OR8D4: variants seen among roughly 807,000 people sequenced by gnomAD.
OR8D4 encodes olfactory receptor 8D4.
For synonymous variants in OR8D4, 141 were observed against 134.8 expected, an observed-to-expected ratio of 1.05 and a Z score of -0.32; for missense variants, 359 against 372.6, an observed-to-expected ratio of 0.96 and a Z score of 0.30.
chr11:123,904,254 A>G (rs182368464), intron 1 of OR8D4, among the ~76,000 whole-genome samples: 242 of 152,322 alleles, frequency 1.6e-3, no homozygotes, highest in African/African-American at 5.1e-3. Context: ...AGGCTTGAGA[A>G]GAGGGAAGAA....
Position 123,906,882 on chromosome 11 carries a change from G to C in OR8D4, c.451G>C (p.Val151Leu). The C allele has an allele frequency of 6.2e-7, 1 of 1,614,020 alleles. No individual in the cohort carries two copies. Among genetic ancestry groups the C allele is most frequent in the South Asian group, 1.1e-5 (1 of 91,074 alleles). The change falls in exon 2 of 2, where the codon GTA becomes CTA. Residue 151 changes from valine (V) to leucine (L), a missense_variant. Physicochemically the swap from Val to Leu is conservative, Grantham distance 32 (BLOSUM62 1). Coordinates refer to ENST00000641687, the MANE Select transcript of OR8D4 (RefSeq NM_001005197.2). ...TCTGCTGGTGGCTGCTGTCTTCTCA[G>C]TAGGTTTCACTGATGCTGTGATCCA... ...CSLLVAAVFS[V>L]GFTDAVIHGG...
At chr11:123,902,294 T>C (rs1863166962) in intron 1 of OR8D4, 37 bp downstream of exon 1, 1 of 152,154 alleles carries the variant, frequency 6.6e-6, no homozygotes, top group Non-Finnish European at 1.5e-5. Flanking sequence ...ATTATAAGTA[T>C]ATTAAAATGT....
intron 1 of OR8D4, among the ~76,000 whole-genome samples, chr11:123,905,520 A>G (rs937475358): frequency 6.6e-6 from 1 of 152,110 alleles, no homozygotes; most frequent in African/African-American, 2.4e-5. Flanking sequence ...ACCTTTTAAC[A>G]TCTCCCTGGA....
chr11:123,902,905 T>A (rs1563126), intron 1 of OR8D4, among the ~76,000 whole-genome samples: 2 of 151,946 alleles, frequency 1.3e-5, no homozygotes, highest in African/African-American at 4.8e-5. Context: ...AATAAAATAA[T>A]GTAAAATATC....
rs1329899679 is a variant in OR8D4, at chr11:123,906,651, T to C, written c.220T>C (p.Ser74Pro). The C allele has an allele frequency of 3.1e-6, 5 of 1,613,306 alleles. No individual in the cohort carries two copies. The highest frequency in any genetic ancestry group is 4.2e-6 in the Non-Finnish European group (5 of 1,179,348). ...TTTGTCTTTTTTAGATTTCTGCTATTCTTCTGTCATTACCCCTAAAATGCT... is the reference window on the plus strand; with the variant it reads ...TTTGTCTTTTTTAGATTTCTGCTATCCTTCTGTCATTACCCCTAAAATGCT... ...SSLSFLDFCY[S>P]SVITPKMLSG... Residue 74 changes from serine (S) to proline (P), a missense_variant, in exon 2 of 2, where the codon TCT (serine) becomes CCT (proline). Coordinates refer to ENST00000641687, the MANE Select transcript of OR8D4 (RefSeq NM_001005197.2).
chr11:123,906,558 C>T lies in OR8D4; in HGVS notation c.127C>T (p.Leu43Phe), dbSNP rs1863200568. The T allele has an allele frequency of 1.9e-6, 3 of 1,613,680 alleles. No homozygotes were observed. The highest frequency in any genetic ancestry group is 2.5e-6 in the Non-Finnish European group (3 of 1,179,768). ...GIYTVTVVGNLSMISIIRLNR... is the reference protein window; with the variant it reads ...GIYTVTVVGNFSMISIIRLNR... The stretch of plus-strand genomic sequence containing the variant: ...TTACACAGTTACTGTGGTGGGAAAC[C>T]TCAGCATGATCTCAATTATTAGGCT... Residue 43 changes from leucine to phenylalanine, a missense_variant, in exon 2 of 2, where the codon CTC becomes TTC. Leu to Phe is a conservative substitution (Grantham distance 22). Transcript: ENST00000641687.
At position 123,906,709 on chromosome 11, in the gene OR8D4, C is replaced by G. The variant is rs1863203344; in HGVS notation, c.278C>G (p.Ser93Cys). The G allele has an allele frequency of 6.2e-7, 1 of 1,613,866 alleles. No homozygotes were observed. Among genetic ancestry groups the G allele is most frequent in the African/African-American group, 1.3e-5 (1 of 74,902 alleles). Reference protein sequence around the residue: ...SGFLCRDRSISYSGCMIQLFF... With the variant: ...SGFLCRDRSICYSGCMIQLFF... ...TTTTTATGCAGAGATAGATCCATCTCCTATTCTGGATGCATGATTCAGCTG... is the reference window on the plus strand; with the variant it reads ...TTTTTATGCAGAGATAGATCCATCTGCTATTCTGGATGCATGATTCAGCTG... Residue 93 changes from serine (S) to cysteine (C), a missense_variant, in exon 2 of 2, where the codon TCC becomes TGC. Ser to Cys is a moderately radical substitution (Grantham distance 112, BLOSUM62 -1). Coordinates refer to ENST00000641687, the MANE Select transcript of OR8D4 (RefSeq NM_001005197.2).
Position 123,908,849 on chromosome 11 carries a change from C to G in OR8D4, c.*1473C>G, listed in dbSNP as rs1216396310. On this transcript the variant is annotated 3_prime_UTR_variant, in exon 2 of 2. Transcript: ENST00000641687. ...GGCCATATTCAAGAAACGGAGAAGG[C>G]AGTATGGCAGACGGTCAGTGAGAGA... 1 of 152,050 alleles carries G rather than the reference C, an allele frequency of 6.6e-6. No homozygotes were observed. The highest frequency in any genetic ancestry group is 2.4e-5 in the African/African-American group (1 of 41,394). The allele number at this position is 152,050 out of a possible 1,614,324, so 9.4% of individuals were successfully genotyped here.
rs527532775 is a variant in OR8D4, at chr11:123,906,367, A to G, written c.-15-50A>G. 1.4e-5 allele frequency: 16 copies of G among 1,144,654 alleles called. No individual in the cohort carries two copies. In the South Asian group the frequency reaches 2.2e-4, roughly 15 times the overall value. The allele number at this position is 1,144,654 out of a possible 1,614,324, so 70.9% of individuals were successfully genotyped here. On this transcript the variant is annotated intron_variant, in intron 1 of 1. Transcript: ENST00000641687. The stretch of plus-strand genomic sequence containing the variant: ...GAGAAAACACTGATATTTGTTTTCT[A>G]TAGAAACAAACACTGATAGAATTTG...
chr11:123,906,743 CTG>C lies in OR8D4; in HGVS notation c.316_317del (p.Val106LeufsTer5), dbSNP rs756724767. ...GATGCATGATTCAGCTGTTTTTTTT[CTG>C]TGTTTGTGTTATTTCTGAATGCTAC... ...SGCMIQLFFFCVCVISECYML... is the reference protein window; with the variant it reads ...SGCMIQLFFFXVCVISECYML... On this transcript the variant is annotated frameshift_variant, in exon 2 of 2. Transcript: ENST00000641687. LOFTEE classifies it low-confidence loss of function (END_TRUNC). 3 of 1,613,436 alleles carry C rather than the reference CTG, an allele frequency of 1.9e-6. No homozygotes were observed. In the South Asian group the frequency reaches 3.3e-5, roughly 18 times the overall value.
At position 123,906,981 on chromosome 11, in the gene OR8D4, C is replaced by T; in HGVS notation, c.550C>T (p.Leu184Phe). Reference protein sequence around the residue: ...IKHYFCDIVPLIKLSCSSTYI... With the variant: ...IKHYFCDIVPFIKLSCSSTYI... Reference sequence around the variant, plus strand: ...ACATTATTTCTGTGACATTGTCCCTCTTATTAAACTCTCCTGCTCCAGCAC... The same window carrying T: ...ACATTATTTCTGTGACATTGTCCCTTTTATTAAACTCTCCTGCTCCAGCAC... Residue 184 changes from leucine (L) to phenylalanine (F), a missense_variant, in exon 2 of 2, where the codon CTT becomes TTT. Coordinates refer to ENST00000641687, the MANE Select transcript of OR8D4 (RefSeq NM_001005197.2). The T allele has an allele frequency of 6.2e-7, 1 of 1,614,074 alleles. No individual in the cohort carries two copies. The highest frequency in any genetic ancestry group is 8.5e-7 in the Non-Finnish European group (1 of 1,179,952).
At chr11:123,905,731 C>G (rs1227042745) in intron 1 of OR8D4, among the ~76,000 whole-genome samples, 1 of 152,080 alleles carries the variant, frequency 6.6e-6, no homozygotes, top group Non-Finnish European at 1.5e-5. Context: ...ACTGTGGAGT[C>G]CTAATTAGGG....
chr11:123,903,966 G>C (rs1030554340), intron 1 of OR8D4, among the ~76,000 whole-genome samples: 1 of 152,104 alleles, frequency 6.6e-6, no homozygotes, highest in African/African-American at 2.4e-5. Flanking sequence ...GAAAAGTTTA[G>C]AGAAGGAAAC....
At chr11:123,904,934 C>A (rs763128680) in intron 1 of OR8D4, among the ~76,000 whole-genome samples, 2 of 152,180 alleles carry the variant, frequency 1.3e-5, no homozygotes, top group Non-Finnish European at 2.9e-5. Context: ...CTGGAGTGAG[C>A]TCTGGGAGAG....
intron 1 of OR8D4, among the ~76,000 whole-genome samples, chr11:123,903,343 T>C (rs986717381): frequency 6.6e-6 from 1 of 152,070 alleles, no homozygotes; most frequent in African/African-American, 2.4e-5. Context: ...ACTAGTAAAA[T>C]GTATTTTATC....
rs754363003 is a variant in OR8D4 at position 123,907,148 on chromosome 11, C to T, written c.717C>T (p.Ser239=). The T allele has an allele frequency of 6.2e-7, 1 of 1,613,832 alleles. No homozygotes were observed. The change falls in exon 2 of 2, where the codon AGC becomes AGT. Residue 239 remains serine (S), a synonymous_variant. Transcript: ENST00000641687. ...HSKKGRCKAF[S]TCSSHLTAVL... The stretch of plus-strand genomic sequence containing the variant: ...AAAAGGGCAGGTGCAAAGCGTTTAG[C>T]ACCTGTAGCTCCCACCTGACAGCTG...
At chr11:123,903,726 T>C (rs1220260568) in intron 1 of OR8D4, among the ~76,000 whole-genome samples, 1 of 152,306 alleles carries the variant, frequency 6.6e-6, no homozygotes, top group East Asian at 1.9e-4. Context: ...GGAATGTGTA[T>C]AATTTTTCTT....
At position 123,906,439 on chromosome 11, in the gene OR8D4, TA is replaced by T; in HGVS notation, c.14del (p.Asn5ThrfsTer5). On this transcript the variant is annotated frameshift_variant, in exon 2 of 2. Transcript: ENST00000641687. LOFTEE classifies it low-confidence loss of function (END_TRUNC). Reference protein sequence around the residue: MGVKNHSTVTEFL... With the variant: MGXKNHSTVTEFL... Reference sequence around the variant, plus strand: ...CAGATTTCTCAGAGAAGAATGGGTGTAAAAAACCATTCCACAGTGACTGAGT... The same window carrying T: ...CAGATTTCTCAGAGAAGAATGGGTGTAAAAACCATTCCACAGTGACTGAGT... The T allele has an allele frequency of 6.3e-7, 1 of 1,595,450 alleles. No homozygotes were observed. The highest frequency in any genetic ancestry group is 8.5e-7 in the Non-Finnish European group (1 of 1,170,380).
rs1863218561 is a variant in OR8D4 at position 123,907,809 on chromosome 11, G to T, written c.*433G>T. ...GATGAAATTATATATATTTAGATTA[G>T]TAAATATATGCACAGATAATTACAT... On this transcript the variant is annotated 3_prime_UTR_variant, in exon 2 of 2. Coordinates refer to ENST00000641687, the MANE Select transcript of OR8D4 (RefSeq NM_001005197.2). 1 of 148,794 alleles carries T rather than the reference G, an allele frequency of 6.7e-6. No homozygotes were observed. The highest frequency in any genetic ancestry group is 1.5e-5 in the Non-Finnish European group (1 of 67,424). The allele number at this position is 148,794 out of a possible 1,614,324, so 9.2% of individuals were successfully genotyped here.
Sources: allele counts gnomAD v4.1 joint callset (sites outside exome capture counted in the v4.1 genomes callset), GRCh38; gene constraint gnomAD v4.1.1; transcripts MANE v1.5; gene names NCBI Gene and HGNC (gene_info 2026-07-23, HGNC 2026-07-21).